The following NTAQ1 variants were observed in gnomAD, a reference collection of about 807,000 sequenced individuals.
NTAQ1 encodes the protein N-terminal glutamine amidase 1.
In NTAQ1, 21 loss-of-function variants were observed where a neutral mutation model predicts 28.2. That is an observed-to-expected ratio of 0.74 (90% confidence interval 0.53 to 1.07). NTAQ1 has a LOEUF of 1.07. NTAQ1 is among the 50% of genes least tolerant of loss of function. The pLI, the probability that NTAQ1 is intolerant of heterozygous loss-of-function variation, is 0.00. For missense variants in NTAQ1, 264 were observed against 256.6 expected (o/e 1.03, Z -0.20); for synonymous variants, 105 against 90.0 (o/e 1.17, Z -0.94).
chr8:123,459,864 C>T (rs536865766), intron 6 of NTAQ1, among the ~76,000 whole-genome samples: 7 of 146,858 alleles, frequency 4.8e-5, no homozygotes, highest in Admixed American at 1.4e-4. Context: ...TGCAATGGCA[C>T]GATCTCAGCT....
intron 1 of NTAQ1, among the ~76,000 whole-genome samples, chr8:123,419,306 C>A (rs1813522609): frequency 6.6e-6 from 1 of 152,064 alleles, no homozygotes; most frequent in Non-Finnish European, 1.5e-5. Context: ...ACCACATTGG[C>A]TGGGCTGGTC....
chr8:123,437,502 C>T (rs11987776), intron 5 of NTAQ1, among the ~76,000 whole-genome samples, 168 bp downstream of exon 5: 2 of 151,818 alleles, frequency 1.3e-5, no homozygotes, highest in Non-Finnish European at 2.9e-5. Context: ...AGGAGATAGA[C>T]ACCATCCTGG....
chr8:123,431,191 G>A (rs980043953), intron 3 of NTAQ1, among the ~76,000 whole-genome samples: 5 of 151,834 alleles, frequency 3.3e-5, no homozygotes, highest in African/African-American at 1.2e-4. Flanking sequence ...ACAAAAATTA[G>A]CTGGGTGTGA....
At chr8:123,429,913 A>C in intron 2 of NTAQ1, 70 bp from the exon 3 acceptor site, 2 of 1,130,800 alleles carry the variant, frequency 1.8e-6, no homozygotes, top group Non-Finnish European at 2.5e-6. Context: ...TCTCAAAAAA[A>C]AAAAAAGGAA....
At chr8:123,463,953 A>G (rs1289556989) in intron 6 of NTAQ1, among the ~76,000 whole-genome samples, 1 of 152,130 alleles carries the variant, frequency 6.6e-6, no homozygotes, top group Admixed American at 6.6e-5. Context: ...TTCTCATGAT[A>G]GTGAATACAT....
intron 5 of NTAQ1, 128 bp from the exon 6 acceptor site, chr8:123,441,178 A>G (rs1032182293): frequency 2.9e-6 from 2 of 680,010 alleles, no homozygotes. Context: ...CCAGAAAACC[A>G]CAGAAGTGAC....
chr8:123,432,086 G>T (rs924846701), intron 3 of NTAQ1, among the ~76,000 whole-genome samples: 1 of 152,308 alleles, frequency 6.6e-6, no homozygotes, highest in South Asian at 2.1e-4. Flanking sequence ...CCTCGCTGCT[G>T]TCCTGTTGTA....
downstream of NTAQ1, among the ~76,000 whole-genome samples, chr8:123,471,385 G>A (rs2130447957): frequency 6.6e-6 from 1 of 152,310 alleles, no homozygotes; most frequent in Non-Finnish European, 1.5e-5. Context: ...CTTTGTTGTA[G>A]TCAGGGTTCT....
intron 5 of NTAQ1, among the ~76,000 whole-genome samples, chr8:123,437,749 G>T (rs925468843): frequency 3.3e-5 from 5 of 151,798 alleles, no homozygotes; most frequent in East Asian, 1.9e-4. Flanking sequence ...TTCCATGAAT[G>T]ATAAGGAGGT....
rs1814317628 is a variant in NTAQ1, at chr8:123,430,265, G to C, written c.234+232G>C. ...ATTATAGGAATGATTTTAAATGGTG[G>C]ATATATTTGTGATCTAGACTCTTAC... On this transcript the variant is annotated intron_variant, in intron 3 of 5. Transcript: ENST00000287387. Among the ~76,000 whole-genome samples the C allele has an allele frequency of 3.3e-5, 5 of 152,280 alleles. No homozygotes were observed. In the South Asian group the frequency reaches 1.0e-3, roughly 32 times the overall value.
chr8:123,434,573 T>C (rs13252748), intron 3 of NTAQ1, among the ~76,000 whole-genome samples: 55,064 of 151,940 alleles, frequency 0.36, 10,092 homozygotes, highest in East Asian at 0.56. Flanking sequence ...TGCAGTGAGC[T>C]GGGATTGTGC....
At chr8:123,464,328 T>C (rs749743175) in intron 6 of NTAQ1, among the ~76,000 whole-genome samples, 3 of 151,998 alleles carry the variant, frequency 2.0e-5, no homozygotes, top group Non-Finnish European at 2.9e-5. Context: ...TCAGAGAGAC[T>C]TGGAATAGAA....
chr8:123,443,355 G>T (rs1320057659), downstream of NTAQ1, among the ~76,000 whole-genome samples: 1 of 152,188 alleles, frequency 6.6e-6, no homozygotes, highest in Non-Finnish European at 1.5e-5. Context: ...TATAAATGTG[G>T]CTGCCAGACT....
chr8:123,423,662 T>G (rs957255025), intron 1 of NTAQ1, among the ~76,000 whole-genome samples: 3 of 152,144 alleles, frequency 2.0e-5, no homozygotes, highest in African/African-American at 7.2e-5. Flanking sequence ...TTTCATGGGA[T>G]TCTCCTACAT....
the NTAQ1 span, among the ~76,000 whole-genome samples, chr8:123,475,125 A>G: frequency 6.6e-6 from 1 of 151,752 alleles, no homozygotes; most frequent in African/African-American, 2.4e-5. Context: ...TATTTATTTT[A>G]TTTTATGGGT....
chr8:123,432,169 A>T (rs1814437314), intron 3 of NTAQ1, among the ~76,000 whole-genome samples: 1 of 152,180 alleles, frequency 6.6e-6, no homozygotes, highest in South Asian at 2.1e-4. Flanking sequence ...AGAACACTAA[A>T]TCCTGAACCC....
chr8:123,469,910 A>G (rs922419889), exon 7 of NTAQ1, among the ~76,000 whole-genome samples: 7 of 152,182 alleles, frequency 4.6e-5, no homozygotes, highest in African/African-American at 1.4e-4. Flanking sequence ...TTGGGGAGAC[A>G]TGTTATGGAC....
At chr8:123,438,836 A>G (rs1814877396) in intron 5 of NTAQ1, among the ~76,000 whole-genome samples, 1 of 152,204 alleles carries the variant, frequency 6.6e-6, no homozygotes, top group South Asian at 2.1e-4. Flanking sequence ...GGAATTGCTT[A>G]TCAGTACACA....
intron 1 of NTAQ1, among the ~76,000 whole-genome samples, chr8:123,424,933 A>G (rs1441638232): frequency 1.3e-5 from 2 of 152,178 alleles, no homozygotes; most frequent in Non-Finnish European, 2.9e-5. Flanking sequence ...AGTATTTTGT[A>G]CATTATAAGC....
Sources: gnomAD v4.1 joint callset for allele counts (sites outside exome capture counted in the v4.1 genomes callset) on GRCh38, gnomAD v4.1.1 for gene constraint, MANE v1.5 for transcripts, NCBI Gene and HGNC (gene_info 2026-07-23, HGNC 2026-07-21) for gene names.